The following PTPRT variants were observed in gnomAD, a reference collection of about 807,000 sequenced individuals.
PTPRT encodes receptor-type tyrosine-protein phosphatase T.
In PTPRT, 56 loss-of-function variants were observed where a neutral mutation model predicts 176.8. That is an observed-to-expected ratio of 0.32 (90% CI 0.26 to 0.40). The LOEUF is 0.40. PTPRT is among the 10% of genes least tolerant of loss of function. PTPRT has a pLI of 1.00. For synonymous variants in PTPRT, 783 were observed against 739.0 expected, an observed-to-expected ratio of 1.06 and a Z score of -0.96; for missense variants, 1,540 against 1,908.2, an observed-to-expected ratio of 0.81 and a Z score of 3.60.
Position 42,109,399 on chromosome 20 carries a change from G to A in PTPRT, c.3254+934C>T, listed in dbSNP as rs573651294. 2.0e-5 allele frequency among the ~76,000 whole-genome samples: 3 copies of A among 152,288 alleles called. No homozygotes were observed. In the South Asian group the frequency reaches 6.2e-4, roughly 32 times the overall value. On this transcript the variant is annotated intron_variant, in intron 23 of 30. Coordinates refer to ENST00000373187, the MANE Select transcript of PTPRT (RefSeq NM_007050.6). ...TCCTCCTCCAATTCTGGACACCCTT[G>A]ACAGGATACTTCATCTCCATTTGGG...
chr20:42,374,844 C>T (rs2058631556), intron 9 of PTPRT, among the ~76,000 whole-genome samples: 1 of 152,164 alleles, frequency 6.6e-6, no homozygotes, highest in South Asian at 2.1e-4. Flanking sequence ...AATCTCATGG[C>T]TGGAAGCTTC....
At chr20:42,583,437 G>A (rs928229646) in intron 7 of PTPRT, among the ~76,000 whole-genome samples, 6 of 152,160 alleles carry the variant, frequency 3.9e-5, no homozygotes, top group African/African-American at 1.4e-4. Context: ...AAAGTGTCTG[G>A]GGATCACTAC....
intron 7 of PTPRT, among the ~76,000 whole-genome samples, chr20:42,502,858 C>T (rs1465244585): frequency 6.6e-6 from 1 of 152,020 alleles, no homozygotes; most frequent in Non-Finnish European, 1.5e-5. Flanking sequence ...TACACATCTT[C>T]AATTTAATAG....
intron 13 of PTPRT, chr20:42,270,332 G>T: frequency 2.8e-6 from 4 of 1,435,386 alleles, no homozygotes; most frequent in South Asian, 1.2e-5. Context: ...GGTGCACCTG[G>T]CCTGGAGGAC....
chr20:42,272,141 GA>G (rs1283080344), intron 13 of PTPRT, among the ~76,000 whole-genome samples: 7 of 151,994 alleles, frequency 4.6e-5, no homozygotes, highest in Non-Finnish European at 7.4e-5. Flanking sequence ...TAATGGTGGG[GA>G]AAAAAATGAA....
rs181490157 is a variant in PTPRT, at chr20:42,984,525, A to T, written c.89-98593T>A. Among the ~76,000 whole-genome samples the T allele has an allele frequency of 9.2e-5, 14 of 152,332 alleles. No homozygotes were observed. In the East Asian group the frequency reaches 2.7e-3, roughly 29 times the overall value. The stretch of plus-strand genomic sequence containing the variant: ...TCCCCTTTCCAAATCAGCACACAGA[A>T]GTAAAGTCTCCTTAGTTAACTCTGC... On this transcript the variant is annotated intron_variant, in intron 1 of 30. Coordinates refer to ENST00000373187, the MANE Select transcript of PTPRT (RefSeq NM_007050.6).
the PTPRT span, among the ~76,000 whole-genome samples, chr20:42,045,249 T>A: frequency 6.6e-6 from 1 of 151,968 alleles, no homozygotes; most frequent in Admixed American, 6.6e-5. Flanking sequence ...GTACTGTTAA[T>A]AAAGGAGGTA....
chr20:42,058,170 A>C, the PTPRT span, among the ~76,000 whole-genome samples: 1 of 152,338 alleles, frequency 6.6e-6, no homozygotes, highest in Admixed American at 6.5e-5. Context: ...TGAGAGCACT[A>C]TTCCCAGCTC....
intron 1 of PTPRT, among the ~76,000 whole-genome samples, chr20:42,955,351 T>C (rs1404938234): frequency 6.6e-6 from 1 of 152,174 alleles, no homozygotes. Flanking sequence ...ATTAAAAGCC[T>C]ACAATCCCAG....
Position 42,072,967 on chromosome 20 carries a change from T to C in PTPRT, c.*7912A>G. On this transcript the variant is annotated 3_prime_UTR_variant, in exon 31 of 31. Coordinates refer to ENST00000373187, the MANE Select transcript of PTPRT (RefSeq NM_007050.6). ...TACCTTCTGCTTTTCTGAGCTAGAA[T>C]TGAAAAGAAAAAAAAAACATTGACA... The C allele has an allele frequency of 4.6e-6, 1 of 215,184 alleles. No individual in the cohort carries two copies. Among genetic ancestry groups the C allele is most frequent in the African/African-American group, 2.8e-5 (1 of 36,102 alleles). 13.3% of individuals were successfully genotyped at this position (215,184 alleles called of 1,614,324 possible). A position where few individuals can be genotyped will look rare whatever the true frequency, so the allele number is the denominator to read the frequency against.
intron 16 of PTPRT, among the ~76,000 whole-genome samples, chr20:42,166,115 G>C (rs1407995822): frequency 6.6e-6 from 1 of 152,176 alleles, no homozygotes; most frequent in East Asian, 1.9e-4. Context: ...GGATTCAACA[G>C]ACACTGGTAA....
intron 2 of PTPRT, among the ~76,000 whole-genome samples, chr20:42,858,401 A>G (rs529401257): frequency 3.9e-5 from 6 of 152,358 alleles, no homozygotes; most frequent in Admixed American, 2.0e-4. Flanking sequence ...AAGGCAGGCC[A>G]GGATGATCAG....
At chr20:42,295,580 G>C in intron 12 of PTPRT, among the ~76,000 whole-genome samples, 1 of 152,018 alleles carries the variant, frequency 6.6e-6, no homozygotes, top group East Asian at 1.9e-4. Flanking sequence ...GATGAAAGTA[G>C]GATATATAAA....
intron 15 of PTPRT, among the ~76,000 whole-genome samples, chr20:42,229,784 A>C (rs2146829134): frequency 6.6e-6 from 1 of 152,366 alleles, no homozygotes; most frequent in South Asian, 2.1e-4. Flanking sequence ...GCAAAAATAG[A>C]AGCAAAAATG....
the PTPRT span, among the ~76,000 whole-genome samples, chr20:42,045,231 CAG>C: frequency 6.6e-6 from 1 of 151,832 alleles, no homozygotes; most frequent in Non-Finnish European, 1.5e-5. Context: ...TTCTACCTAC[CAG>C]AGAGAGTACT....
intron 7 of PTPRT, among the ~76,000 whole-genome samples, chr20:42,610,659 C>T (rs1195281069): frequency 3.9e-5 from 6 of 151,978 alleles, no homozygotes; most frequent in African/African-American, 1.2e-4. Flanking sequence ...TTTTCTTTTT[C>T]TGTTGTTGTT....
the PTPRT span, among the ~76,000 whole-genome samples, chr20:42,044,129 C>T: frequency 6.6e-6 from 1 of 152,150 alleles, no homozygotes; most frequent in South Asian, 2.1e-4. Context: ...ATAAGGACAA[C>T]ATGGGGTGGT....
At chr20:42,856,179 G>A (rs917388048) in intron 2 of PTPRT, among the ~76,000 whole-genome samples, 2 of 152,164 alleles carry the variant, frequency 1.3e-5, no homozygotes, top group African/African-American at 4.8e-5. Context: ...ACAGATTAGA[G>A]ACAAAGCCCC....
intron 9 of PTPRT, among the ~76,000 whole-genome samples, chr20:42,417,067 G>A (rs1035031229): frequency 6.6e-6 from 1 of 152,206 alleles, no homozygotes; most frequent in African/African-American, 2.4e-5. Flanking sequence ...AGAAGCTGGA[G>A]AGGGAGAAAG....
Sources: gnomAD v4.1 joint callset for allele counts (sites outside exome capture counted in the v4.1 genomes callset) on GRCh38, gnomAD v4.1.1 for gene constraint, MANE v1.5 for transcripts, NCBI Gene and HGNC (gene_info 2026-07-23, HGNC 2026-07-21) for gene names.